The following GOLGA7 variants were observed in gnomAD, a reference collection of about 807,000 sequenced individuals.
GOLGA7 encodes the protein golgin A7.
A neutral mutation model predicts 21.1 loss-of-function variants in GOLGA7; 10 were observed. The ratio of observed to expected loss-of-function variants is 0.47; its 90% confidence interval spans 0.29 to 0.80. GOLGA7 has a LOEUF of 0.80. Among genes scored for constraint, GOLGA7 ranks in the 30% least tolerant of loss-of-function variants. The probability of loss-of-function intolerance (pLI) is 0.08; values close to 1 mark genes in which losing one functional copy is unlikely to be tolerated. For missense variants in GOLGA7, 114 were observed against 166.8 expected (o/e 0.68, Z 1.74); for synonymous variants, 64 against 62.6 (o/e 1.02, Z -0.10).
rs1414565348 is a variant in GOLGA7, at chr8:41,507,076, T to C, written c.384T>C (p.Tyr128=). 2.2e-6 allele frequency: 3 copies of C among 1,370,070 alleles called. No individual in the cohort carries two copies. Among genetic ancestry groups the C allele is most frequent in the African/African-American group, 2.8e-5 (2 of 70,178 alleles). The allele number at this position is 1,370,070 out of a possible 1,614,324, so 84.9% of individuals were successfully genotyped here. The change falls in exon 4 of 5, where the codon TAT becomes TAC. Residue 128 remains tyrosine, a synonymous_variant. Transcript: ENST00000357743. The part of the protein sequence containing the change: ...RGLRVIEITI[Y]EDRGMSSGR ...CTGTTTAGATTGAAATTACCATTTA[T>C]GAAGACAGAGGCATGAGCAGTGGAA... is the stretch of plus-strand genomic sequence containing the variant.
chr8:41,498,512 T>G (rs958437928), intron 2 of GOLGA7, among the ~76,000 whole-genome samples: 4 of 152,180 alleles, frequency 2.6e-5, no homozygotes, highest in African/African-American at 9.7e-5. Flanking sequence ...CCCTCACTGG[T>G]CAGCAAACAT....
At chr8:41,502,999 G>C (rs1311889277) in intron 2 of GOLGA7, among the ~76,000 whole-genome samples, 5 of 151,908 alleles carry the variant, frequency 3.3e-5, no homozygotes, top group African/African-American at 1.2e-4. Context: ...ATGCTCTTCT[G>C]CTATTAAAGA....
chr8:41,492,379 T>TG (rs1805903799), intron 1 of GOLGA7, among the ~76,000 whole-genome samples: 1 of 152,258 alleles, frequency 6.6e-6, no homozygotes, highest in Non-Finnish European at 1.5e-5. Context: ...ACATGGAATC[T>TG]GGCTGGGCCC....
At chr8:41,496,638 C>T (rs998404831) in intron 1 of GOLGA7, among the ~76,000 whole-genome samples, 3 of 150,824 alleles carry the variant, frequency 2.0e-5, no homozygotes, top group African/African-American at 4.9e-5. Context: ...CCTTTTGATC[C>T]TTCTGCTAAA....
At position 41,490,973 on chromosome 8, in the gene GOLGA7, A is replaced by T; in HGVS notation, c.111+8A>T. 2 of 1,467,280 alleles carry T rather than the reference A, an allele frequency of 1.4e-6. No homozygotes were observed. The highest frequency in any genetic ancestry group is 9.4e-7 in the Non-Finnish European group (1 of 1,063,670). 90.9% of individuals were successfully genotyped at this position (1,467,280 alleles called of 1,614,324 possible). On this transcript the variant is annotated splice_region_variant and intron_variant, in intron 1 of 4. Transcript: ENST00000357743. ...GCGGAGCTGGAGAACCGGGTACGCA[A>T]CCTGGCTCCCCACGCCTGCTCTGGC...
intron 3 of GOLGA7, among the ~76,000 whole-genome samples, chr8:41,506,597 C>T (rs1441824098): frequency 1.3e-5 from 2 of 152,066 alleles, no homozygotes; most frequent in African/African-American, 4.8e-5. Flanking sequence ...AAACCTAGGT[C>T]ACATAATCCC....
At chr8:41,507,640 T>C (rs1021253606) in intron 4 of GOLGA7, among the ~76,000 whole-genome samples, 1 of 152,196 alleles carries the variant, frequency 6.6e-6, no homozygotes, top group Non-Finnish European at 1.5e-5. Flanking sequence ...CATTCCTTTG[T>C]TTAAAGTATT....
intron 2 of GOLGA7, among the ~76,000 whole-genome samples, chr8:41,500,844 A>C (rs1806133318): frequency 6.6e-6 from 1 of 152,236 alleles, no homozygotes; most frequent in Admixed American, 6.5e-5. Flanking sequence ...GATAGCCTGG[A>C]TTAGGAAGGG....
At chr8:41,505,848 C>A in intron 2 of GOLGA7, 63 bp from the exon 3 acceptor site, 1 of 827,940 alleles carries the variant, frequency 1.2e-6, no homozygotes, top group Non-Finnish European at 2.0e-6. Flanking sequence ...TTTGAGATCT[C>A]ACTAACACTT....
intron 2 of GOLGA7, among the ~76,000 whole-genome samples, chr8:41,503,809 A>G (rs1225347835): frequency 6.8e-6 from 1 of 146,332 alleles, no homozygotes; most frequent in Non-Finnish European, 1.5e-5. Flanking sequence ...TGTTTTGGTT[A>G]CTGTAGCCTT....
intron 2 of GOLGA7, among the ~76,000 whole-genome samples, chr8:41,504,076 T>A: frequency 7.5e-6 from 1 of 133,348 alleles, no homozygotes; most frequent in Non-Finnish European, 1.5e-5. Context: ...CATATGTAAC[T>A]AACCTGCACA....
At chr8:41,499,254 T>C (rs1044306250) in intron 2 of GOLGA7, among the ~76,000 whole-genome samples, 3 of 151,830 alleles carry the variant, frequency 2.0e-5, no homozygotes, top group Non-Finnish European at 4.4e-5. Context: ...TGTCTAGGGG[T>C]GAATGTTTTA....
chr8:41,501,110 A>AG (rs2150443276), intron 2 of GOLGA7, among the ~76,000 whole-genome samples: 1 of 152,328 alleles, frequency 6.6e-6, no homozygotes, highest in East Asian at 1.9e-4. Flanking sequence ...TATTTGTCAA[A>AG]GTGTATTTGC....
At chr8:41,507,196 G>T in intron 4 of GOLGA7, 75 bp downstream of exon 4, 2 of 745,502 alleles carry the variant, frequency 2.7e-6, no homozygotes, top group Non-Finnish European at 5.0e-6. Flanking sequence ...TCCCCGCATG[G>T]TAAATAAATC....
chr8:41,504,737 A>G (rs1481151895), intron 2 of GOLGA7, among the ~76,000 whole-genome samples: 1 of 152,220 alleles, frequency 6.6e-6, no homozygotes, highest in Non-Finnish European at 1.5e-5. Context: ...TGTTTAAATT[A>G]CTTTTCTTCA....
At chr8:41,496,252 A>G (rs761821620) in intron 1 of GOLGA7, among the ~76,000 whole-genome samples, 1 of 152,028 alleles carries the variant, frequency 6.6e-6, no homozygotes, top group Non-Finnish European at 1.5e-5. Context: ...ATGGCAGCTG[A>G]TGGGGGCTGG....
chr8:41,501,633 C>A (rs1439041222), intron 2 of GOLGA7, among the ~76,000 whole-genome samples: 1 of 152,116 alleles, frequency 6.6e-6, no homozygotes, highest in African/African-American at 2.4e-5. Context: ...TGGCCTCAAG[C>A]GATCCTCCCG....
At chr8:41,508,482 C>T (rs989148311) in intron 4 of GOLGA7, among the ~76,000 whole-genome samples, 3 of 152,204 alleles carry the variant, frequency 2.0e-5, no homozygotes, top group Non-Finnish European at 4.4e-5. Context: ...TACGCTTTCT[C>T]ATGTACAATT....
chr8:41,502,643 A>G (rs926220246), intron 2 of GOLGA7: 5 of 152,220 alleles, frequency 3.3e-5, no homozygotes, highest in Non-Finnish European at 5.9e-5. Flanking sequence ...GAAGGAACAC[A>G]GGAGAGAACT....
Sources: gnomAD v4.1 joint callset for allele counts (sites outside exome capture counted in the v4.1 genomes callset) on GRCh38, gnomAD v4.1.1 for gene constraint, MANE v1.5 for transcripts, NCBI Gene and HGNC (gene_info 2026-07-23, HGNC 2026-07-21) for gene names.